HERC4: variants seen among roughly 807,000 people sequenced by gnomAD.
HERC4 encodes probable E3 ubiquitin-protein ligase HERC4.
HERC4 carries 28 observed loss-of-function variants against 124.3 expected under a neutral mutation model. The observed-to-expected ratio is 0.23, with a 90% CI of 0.17 to 0.31. The LOEUF (loss-of-function observed/expected upper bound fraction) is 0.31. Among genes scored for constraint, HERC4 ranks in the 10% least tolerant of loss-of-function variants. HERC4 has a pLI of 1.00. For missense variants in HERC4, 713 were observed against 1,229.3 expected (o/e 0.58, Z 6.28); for synonymous variants, 407 against 421.5 (o/e 0.97, Z 0.42).
In HERC4 at chr10:68,025,641, A is replaced by G. The variant is rs375409342; in HGVS notation, c.813T>C (p.Tyr271=). 5.0e-6 allele frequency: 8 copies of G among 1,613,616 alleles called. No homozygotes were observed. The South Asian group carries it at 7.7e-5, about 16-fold the overall frequency. Residue 271 remains tyrosine (Y), a synonymous_variant, in exon 8 of 25, where the codon TAT becomes TAC. Coordinates refer to ENST00000373700, the MANE Select transcript of HERC4 (RefSeq NM_015601.4). The part of the protein sequence containing the change: ...GGVFTFGAGG[Y]GQLGHNSTSH... ...TGGTAGAATTATGGCCCAACTGACC[A>G]TACCCTCCAGCTCCAAAAGTAAACA...
At chr10:68,018,745 CATGACCTCTATGATGAAA>C (rs2038415434) in intron 8 of HERC4, among the ~76,000 whole-genome samples, 1 of 152,084 alleles carries the variant, frequency 6.6e-6, no homozygotes, top group Admixed American at 6.6e-5. Flanking sequence ...AAGAGATATG[CATGACCTCTATGATGAAA>C]ATTTTAAAAC....
chr10:67,952,491 C>T (rs2033864240), intron 19 of HERC4, among the ~76,000 whole-genome samples: 1 of 152,050 alleles, frequency 6.6e-6, no homozygotes, highest in African/African-American at 2.4e-5. Context: ...ATCATGTTGG[C>T]TAGACTGGTC....
intron 8 of HERC4, among the ~76,000 whole-genome samples, chr10:68,022,716 T>G (rs992987498): frequency 2.0e-5 from 3 of 151,848 alleles, no homozygotes; most frequent in African/African-American, 7.2e-5. Context: ...ATTTTAAAGC[T>G]TCATGCATCA....
intron 8 of HERC4, among the ~76,000 whole-genome samples, chr10:68,025,086 G>A (rs2038829323): frequency 6.6e-6 from 1 of 151,766 alleles, no homozygotes; most frequent in African/African-American, 2.4e-5. Context: ...AAATTAGCTG[G>A]GCATGGTAGT....
chr10:68,063,708 C>T (rs879475691), intron 3 of HERC4, among the ~76,000 whole-genome samples: 4 of 151,860 alleles, frequency 2.6e-5, no homozygotes, highest in East Asian at 1.9e-4. Flanking sequence ...GAGGCCAAGG[C>T]GGACAGATTA....
chr10:68,034,185 T>C lies in HERC4; in HGVS notation c.465A>G (p.Ala155=), dbSNP rs1390070258. Residue 155 remains alanine (A), a splice_region_variant and synonymous_variant, in exon 6 of 25, where the codon GCA becomes GCG. Transcript: ENST00000373700. The part of the protein sequence containing the change: ...GYYHSLALSK[A]SEVFCWGQNK... ...TCTGTCCCCAACAGAAGACTTCACT[T>C]GCTGTAAAACAGTAATGGAAAAATT... The C allele has an allele frequency of 2.5e-5, 40 of 1,606,870 alleles. No individual in the cohort carries two copies. The Admixed American group carries it at 6.7e-4, about 27-fold the overall frequency.
At chr10:68,018,347 A>T (rs1387236102) in intron 8 of HERC4, among the ~76,000 whole-genome samples, 1 of 152,160 alleles carries the variant, frequency 6.6e-6, no homozygotes, top group Non-Finnish European at 1.5e-5. Context: ...CAATAAAAAA[A>T]ACTAGGAATT....
intron 23 of HERC4, among the ~76,000 whole-genome samples, chr10:67,927,401 TATATATATATATATATATATATATA>T (rs1564910523): frequency 1.7e-3 from 14 of 8,418 alleles, no homozygotes; most frequent in South Asian, 4.6e-3. Flanking sequence ...TATATATATA[TATATATATATATATATATATATATA>T]TATATTTTTT....
chr10:67,981,895 C>T (rs1248567200), intron 15 of HERC4, among the ~76,000 whole-genome samples: 2 of 152,092 alleles, frequency 1.3e-5, no homozygotes, highest in African/African-American at 2.4e-5. Flanking sequence ...GAGCCGAGAT[C>T]AGGCCACTGT....
intron 19 of HERC4, among the ~76,000 whole-genome samples, chr10:67,943,650 C>G (rs998087211): frequency 1.3e-5 from 2 of 152,180 alleles, no homozygotes; most frequent in Admixed American, 6.5e-5. Context: ...TCTGAGACAG[C>G]TGATAGTTAG....
Position 67,991,191 on chromosome 10 carries a change from T to A in HERC4, c.1280A>T (p.Asp427Val). 6.5e-7 allele frequency: 1 copy of A among 1,532,642 alleles called. No homozygotes were observed. 94.9% of individuals were successfully genotyped at this position (1,532,642 alleles called of 1,614,324 possible). A position where few individuals can be genotyped will look rare whatever the true frequency, so the allele number is the denominator to read the frequency against. ...RFPVEIANEI[D>V]GTFSSSGCLN... ...GCAACCAGAGGAAGAAAACGTTCCA[T>A]CTATCTCACTAAAAAATTTAAAAAA... Residue 427 changes from aspartate to valine, a missense_variant, in exon 12 of 25, where the codon GAT becomes GTT. By Grantham distance (152) the Asp-to-Val change is radical. Coordinates refer to ENST00000373700, the MANE Select transcript of HERC4 (RefSeq NM_015601.4).
At chr10:68,013,095 A>G (rs1425519327) in intron 9 of HERC4, among the ~76,000 whole-genome samples, 1 of 152,240 alleles carries the variant, frequency 6.6e-6, no homozygotes, top group Non-Finnish European at 1.5e-5. Flanking sequence ...GCAACCCTGC[A>G]TAGAACAAGT....
intron 8 of HERC4, among the ~76,000 whole-genome samples, chr10:68,019,234 G>A (rs2038458133): frequency 6.6e-6 from 1 of 151,994 alleles, no homozygotes; most frequent in Admixed American, 6.6e-5. Context: ...GACCTCAGGT[G>A]ATCCACCCGC....
At chr10:68,059,950 T>C (rs149628768) in intron 3 of HERC4, among the ~76,000 whole-genome samples, 2,437 of 115,690 alleles carry the variant, frequency 0.021, 165 homozygotes, top group Middle Eastern at 0.058. Flanking sequence ...TAATATTATA[T>C]TATATTTTGT....
At chr10:67,945,118 G>A (rs910185509) in intron 19 of HERC4, among the ~76,000 whole-genome samples, 18 of 152,104 alleles carry the variant, frequency 1.2e-4, no homozygotes, top group African/African-American at 3.9e-4. Flanking sequence ...AGAATACAGA[G>A]CAAATTTAGC....
chr10:67,978,723 C>T (rs1402092326), intron 15 of HERC4, among the ~76,000 whole-genome samples: 2 of 152,140 alleles, frequency 1.3e-5, no homozygotes, highest in East Asian at 1.9e-4. Flanking sequence ...GTGGTAGCAT[C>T]GCCACAGGGG....
chr10:67,986,984 C>T (rs1167056336), intron 15 of HERC4, among the ~76,000 whole-genome samples: 2 of 152,010 alleles, frequency 1.3e-5, no homozygotes, highest in African/African-American at 2.4e-5. Context: ...TGAAAAGGGG[C>T]AAAATACCGA....
At chr10:68,046,916 C>T (rs1458698348) in intron 3 of HERC4, among the ~76,000 whole-genome samples, 1 of 152,084 alleles carries the variant, frequency 6.6e-6, no homozygotes, top group Non-Finnish European at 1.5e-5. Context: ...TGTGATCACG[C>T]CACTGTATTC....
intron 9 of HERC4, chr10:68,010,802 A>C: frequency 6.6e-7 from 1 of 1,523,364 alleles, no homozygotes; most frequent in Non-Finnish European, 9.0e-7. Flanking sequence ...TGCATATCCC[A>C]GGGTGATCCT....
Sources: gnomAD v4.1 joint callset for allele counts (sites outside exome capture counted in the v4.1 genomes callset) on GRCh38, gnomAD v4.1.1 for gene constraint, MANE v1.5 for transcripts, NCBI Gene and HGNC (gene_info 2026-07-23, HGNC 2026-07-21) for gene names.